Variants in INTS9 observed in about 807,000 individuals in gnomAD.
INTS9 encodes the protein integrator complex subunit 9.
A neutral mutation model predicts 79.7 loss-of-function variants in INTS9; 55 were observed. That is an observed-to-expected ratio of 0.69 (90% confidence interval 0.56 to 0.86). The LOEUF (loss-of-function observed/expected upper bound fraction) is 0.86, where lower values mean the gene tolerates loss of function less well. INTS9 is among the 40% of genes least tolerant of loss of function. The pLI is 0.00. For synonymous variants in INTS9, 319 were observed against 325.2 expected, an observed-to-expected ratio of 0.98 and a Z score of 0.20; for missense variants, 721 against 831.5, an observed-to-expected ratio of 0.87 and a Z score of 1.64.
chr8:28,802,979 C>T (rs1804608670), intron 8 of INTS9, among the ~76,000 whole-genome samples: 1 of 150,898 alleles, frequency 6.6e-6, no homozygotes. Flanking sequence ...GCCAGATGTG[C>T]TGGTGCACTG....
chr8:28,829,149 T>C (rs192481654), intron 6 of INTS9, among the ~76,000 whole-genome samples: 4 of 152,364 alleles, frequency 2.6e-5, no homozygotes, highest in African/African-American at 4.8e-5. Context: ...ATTATAGATT[T>C]CTAACCTTAT....
chr8:28,832,743 C>T (rs1030954294), intron 6 of INTS9, among the ~76,000 whole-genome samples: 18 of 150,760 alleles, frequency 1.2e-4, no homozygotes, highest in Non-Finnish European at 1.5e-4. Context: ...GTGGGCAGAT[C>T]ACGAAGTCAG....
In INTS9 at chr8:28,814,282, TCTCACACACACA is replaced by T. The variant is rs1303425431; in HGVS notation, c.489-682_489-671del. 4.4e-3 allele frequency among the ~76,000 whole-genome samples: 388 copies of T among 88,148 alleles called. 2 individuals are homozygous for T. The highest frequency in any genetic ancestry group is 0.019 in the African/African-American group (374 of 20,118). The allele number at this position is 88,148 out of a possible 152,430, so 57.8% of individuals were successfully genotyped here. A position where few individuals can be genotyped will look rare whatever the true frequency, so the allele number is the denominator to read the frequency against. ...TCCTGAAACAACACTGAACAGGGCT[TCTCACACACACA>T]CACACACACACACACACACACACAC... On this transcript the variant is annotated intron_variant, in intron 6 of 16. Transcript: ENST00000521022.
chr8:28,850,358 G>A (rs1807764591), intron 2 of INTS9, 85 bp from the exon 3 acceptor site: 1 of 1,013,250 alleles, frequency 9.9e-7, no homozygotes, highest in Non-Finnish European at 1.5e-6. Flanking sequence ...TCTCCATAAA[G>A]TTAAGAACAG....
intron 11 of INTS9, among the ~76,000 whole-genome samples, chr8:28,785,871 T>G (rs775512661): frequency 1.3e-5 from 2 of 152,182 alleles, no homozygotes; most frequent in Non-Finnish European, 2.9e-5. Flanking sequence ...CAGGATTCAT[T>G]CCAGCCTTCA....
intron 11 of INTS9, among the ~76,000 whole-genome samples, chr8:28,782,079 A>G (rs1257489908): frequency 1.3e-5 from 2 of 152,188 alleles, no homozygotes; most frequent in Non-Finnish European, 2.9e-5. Context: ...ACACTTATTA[A>G]TTTAAAAAAA....
chr8:28,854,697 G>A (rs1187140450), intron 2 of INTS9, among the ~76,000 whole-genome samples: 1 of 152,068 alleles, frequency 6.6e-6, no homozygotes, highest in Admixed American at 6.6e-5. Context: ...GAGGAAGCAG[G>A]CAAGGCACAC....
intron 6 of INTS9, among the ~76,000 whole-genome samples, chr8:28,832,054 C>T (rs1354046017): frequency 1.3e-5 from 2 of 152,106 alleles, no homozygotes; most frequent in African/African-American, 4.8e-5. Context: ...AAATTATTTG[C>T]AGCAAATCAC....
intron 6 of INTS9, among the ~76,000 whole-genome samples, chr8:28,822,451 C>T (rs1010486862): frequency 1.3e-5 from 2 of 152,154 alleles, no homozygotes; most frequent in Non-Finnish European, 2.9e-5. Context: ...TAATAGCATA[C>T]ACAATATGTA....
At chr8:28,786,711 G>A (rs925089474) in intron 11 of INTS9, among the ~76,000 whole-genome samples, 1 of 152,158 alleles carries the variant, frequency 6.6e-6, no homozygotes, top group African/African-American at 2.4e-5. Context: ...AGCAGATACT[G>A]TCAGTTTTCT....
chr8:28,857,622 A>G lies in INTS9; in HGVS notation c.137+1814T>C, dbSNP rs139907183. 4.1e-3 allele frequency among the ~76,000 whole-genome samples: 622 copies of G among 152,362 alleles called. 5 individuals are homozygous for G. The highest frequency in any genetic ancestry group is 0.014 in the African/African-American group (569 of 41,590). On this transcript the variant is annotated intron_variant, in intron 2 of 16. Transcript: ENST00000521022. ...ATTTAATTAATTAGTTAATTATAAT[A>G]GTAAAAGGACTCTGAAAAAGTGACG...
chr8:28,804,719 A>G (rs1346162999), intron 8 of INTS9, among the ~76,000 whole-genome samples: 2 of 152,230 alleles, frequency 1.3e-5, no homozygotes, highest in Admixed American at 1.3e-4. Flanking sequence ...GCTAAAATCT[A>G]TCCCCACAGG....
At chr8:28,884,208 C>G (rs1810057232) in intron 1 of INTS9, among the ~76,000 whole-genome samples, 1 of 92,682 alleles carries the variant, frequency 1.1e-5, no homozygotes, top group African/African-American at 4.3e-5. Context: ...TGGTTGGAGA[C>G]AGGGCCTTGT....
At chr8:28,820,559 C>G (rs528910376) in intron 6 of INTS9, among the ~76,000 whole-genome samples, 13 of 152,292 alleles carry the variant, frequency 8.5e-5, no homozygotes, top group Non-Finnish European at 1.6e-4. Flanking sequence ...CTTTGGCTGC[C>G]CTTAACATTT....
intron 2 of INTS9, among the ~76,000 whole-genome samples, chr8:28,851,990 G>A (rs1301281802): frequency 1.3e-5 from 2 of 152,138 alleles, no homozygotes; most frequent in African/African-American, 2.4e-5. Flanking sequence ...AGGCCAAGGT[G>A]GGAGGATCAT....
chr8:28,786,849 T>C (rs1209189044), intron 11 of INTS9, among the ~76,000 whole-genome samples: 4 of 152,088 alleles, frequency 2.6e-5, no homozygotes, highest in Non-Finnish European at 4.4e-5. Flanking sequence ...TCCCGAGCAG[T>C]TGTGACTACA....
chr8:28,817,435 T>C (rs1805555570), intron 6 of INTS9, among the ~76,000 whole-genome samples: 1 of 152,210 alleles, frequency 6.6e-6, no homozygotes, highest in East Asian at 1.9e-4. Flanking sequence ...TGCTTGTTTT[T>C]CTCAGGTTTG....
chr8:28,844,980 A>T (rs1807421143), intron 4 of INTS9, among the ~76,000 whole-genome samples: 1 of 152,146 alleles, frequency 6.6e-6, no homozygotes, highest in African/African-American at 2.4e-5. Flanking sequence ...AAGTTTTTTC[A>T]AATTGTCATA....
At chr8:28,826,827 A>G (rs1326258843) in intron 6 of INTS9, among the ~76,000 whole-genome samples, 2 of 152,028 alleles carry the variant, frequency 1.3e-5, no homozygotes, top group East Asian at 1.9e-4. Flanking sequence ...TAAATCTTAA[A>G]CTTTTTTGGG....
Sources: allele counts gnomAD v4.1 joint callset (sites outside exome capture counted in the v4.1 genomes callset), GRCh38; gene constraint gnomAD v4.1.1; transcripts MANE v1.5; gene names NCBI Gene and HGNC (gene_info 2026-07-23, HGNC 2026-07-21).